Variants in PKIG observed in about 807,000 individuals in gnomAD.
The protein encoded by PKIG is cAMP-dependent protein kinase inhibitor gamma.
In PKIG, 1 loss-of-function variant was observed where a neutral mutation model predicts 6.8. The ratio of observed to expected loss-of-function variants is 0.15; its 90% confidence interval spans 0.05 to 0.69. The LOEUF (loss-of-function observed/expected upper bound fraction) is 0.69, where lower values mean the gene tolerates loss of function less well. Ranked by LOEUF, PKIG falls within the 30% of genes least tolerant of loss-of-function variation. PKIG has a pLI of 0.82. For missense variants in PKIG, 77 were observed against 104.0 expected (o/e 0.74, Z 1.13); for synonymous variants, 39 against 43.0 (o/e 0.91, Z 0.36).
intron 2 of PKIG, among the ~76,000 whole-genome samples, chr20:44,613,613 A>AT (rs781669560): frequency 5.3e-5 from 8 of 152,134 alleles, no homozygotes; most frequent in Non-Finnish European, 2.9e-5. Flanking sequence ...TCACACCAGA[A>AT]ACCTAAATTA....
intron 1 of PKIG, among the ~76,000 whole-genome samples, chr20:44,551,070 GT>G (rs3092146): frequency 1.3e-5 from 2 of 148,536 alleles, no homozygotes; most frequent in African/African-American, 2.5e-5. Context: ...ACATTTTCCT[GT>G]TTTTTTTTTG....
intron 3 of PKIG, among the ~76,000 whole-genome samples, chr20:44,617,387 T>G (rs896088589): frequency 6.6e-6 from 1 of 152,112 alleles, no homozygotes; most frequent in Non-Finnish European, 1.5e-5. Flanking sequence ...AAAAGACACC[T>G]GTTTATCATG....
At chr20:44,588,196 C>T (rs2123373353) in intron 1 of PKIG, among the ~76,000 whole-genome samples, 1 of 152,286 alleles carries the variant, frequency 6.6e-6, no homozygotes, top group East Asian at 1.9e-4. Context: ...AGGCACTGGG[C>T]AAGGTGATAG....
chr20:44,540,672 G>C (rs2064553491), intron 1 of PKIG, among the ~76,000 whole-genome samples: 1 of 151,932 alleles, frequency 6.6e-6, no homozygotes, highest in African/African-American at 2.4e-5. Flanking sequence ...TCTACCTCCT[G>C]GGTTCAAAGA....
intron 2 of PKIG, among the ~76,000 whole-genome samples, chr20:44,594,751 G>A (rs1422255907): frequency 1.3e-5 from 2 of 152,136 alleles, no homozygotes; most frequent in Admixed American, 1.3e-4. Flanking sequence ...TAGTAGTCCT[G>A]GGAGTCTGGG....
chr20:44,546,661 T>G lies in PKIG; in HGVS notation c.-241+14683T>G, dbSNP rs1038357113. Among the ~76,000 whole-genome samples the G allele has an allele frequency of 2.0e-4, 31 of 151,486 alleles. 1 individual carries two copies. Among genetic ancestry groups the G allele is most frequent in the Non-Finnish European group, 2.9e-5 (2 of 67,970 alleles). On this transcript the variant is annotated intron_variant, in intron 1 of 4. Coordinates refer to the PKIG transcript ENST00000372887. Reference sequence around the variant, plus strand: ...TCTACCTTCCCAGTTCAGGCGATTCTCCTGCCTCAGCCCCCCGGGTAGCTG... The same window carrying G: ...TCTACCTTCCCAGTTCAGGCGATTCGCCTGCCTCAGCCCCCCGGGTAGCTG...
chr20:44,593,587 C>T (rs2065052085), intron 2 of PKIG, among the ~76,000 whole-genome samples: 1 of 151,924 alleles, frequency 6.6e-6, no homozygotes, highest in Admixed American at 6.6e-5. Context: ...GGGTGGTTTC[C>T]AGAGAGAGTA....
At chr20:44,578,434 T>C (rs941676222), upstream of PKIG, among the ~76,000 whole-genome samples, 24 of 151,946 alleles carry the variant, frequency 1.6e-4, no homozygotes, top group Admixed American at 7.2e-4. Context: ...TTGGCCAGGC[T>C]GTCTTGAACT....
intron 1 of PKIG, among the ~76,000 whole-genome samples, chr20:44,538,562 C>T (rs1250947459): frequency 1.3e-5 from 2 of 152,110 alleles, no homozygotes; most frequent in African/African-American, 2.4e-5. Context: ...TGCCTACTTC[C>T]ATCCCACCTT....
intron 2 of PKIG, among the ~76,000 whole-genome samples, chr20:44,600,574 T>A (rs2065112616): frequency 6.6e-6 from 1 of 151,912 alleles, no homozygotes; most frequent in Non-Finnish European, 1.5e-5. Context: ...GGCTGGGCAC[T>A]GTTGCTCATG....
intron 1 of PKIG, among the ~76,000 whole-genome samples, chr20:44,537,104 A>G (rs2064519184): frequency 6.7e-6 from 1 of 149,312 alleles, no homozygotes; most frequent in Non-Finnish European, 1.5e-5. Flanking sequence ...TAATTTTTGT[A>G]TTATTATTAT....
chr20:44,610,514 A>T (rs2065208485), intron 2 of PKIG, among the ~76,000 whole-genome samples: 1 of 151,452 alleles, frequency 6.6e-6, no homozygotes, highest in African/African-American at 2.4e-5. Flanking sequence ...ACACACACAC[A>T]CACACACACA....
chr20:44,550,126 C>G (rs1024650828), intron 1 of PKIG, among the ~76,000 whole-genome samples: 22 of 148,028 alleles, frequency 1.5e-4, no homozygotes, highest in African/African-American at 5.3e-4. Flanking sequence ...TAGTGAGCAT[C>G]TAGTATGTGC....
chr20:44,540,459 G>A lies in PKIG; in HGVS notation c.-241+8481G>A, dbSNP rs112371062. Among the ~76,000 whole-genome samples, 300 of 152,172 alleles carry A rather than the reference G, an allele frequency of 2.0e-3. 1 individual carries two copies. The highest frequency in any genetic ancestry group is 6.8e-3 in the African/African-American group (281 of 41,508). ...CTACCAATTAACCAAAATTAATTAC[G>A]TTATCCCAATGACCAAATTAATCCC... On this transcript the variant is annotated intron_variant, in intron 1 of 4. Coordinates refer to the PKIG transcript ENST00000372887.
chr20:44,595,200 T>C (rs2065065159), intron 2 of PKIG, among the ~76,000 whole-genome samples: 1 of 152,220 alleles, frequency 6.6e-6, no homozygotes, highest in African/African-American at 2.4e-5. Context: ...CCTGTGATCA[T>C]AGGTATGGTT....
At chr20:44,575,378 C>A (rs2064888201) in intron 1 of PKIG, among the ~76,000 whole-genome samples, 1 of 152,210 alleles carries the variant, frequency 6.6e-6, no homozygotes, top group Admixed American at 6.5e-5. Flanking sequence ...GCCACCACGC[C>A]CAGCCAATTT....
chr20:44,536,168 T>C (rs759045229), intron 1 of PKIG, among the ~76,000 whole-genome samples: 3 of 152,242 alleles, frequency 2.0e-5, no homozygotes, highest in Non-Finnish European at 2.9e-5. Flanking sequence ...GGCTGAATAA[T>C]ATTCCATTGC....
chr20:44,595,666 A>G (rs1016454275), intron 2 of PKIG, among the ~76,000 whole-genome samples: 1 of 152,236 alleles, frequency 6.6e-6, no homozygotes, highest in South Asian at 2.1e-4. Flanking sequence ...GGCGTGCACC[A>G]CCATGCCCGG....
chr20:44,560,103 A>G (rs927428682), intron 1 of PKIG, among the ~76,000 whole-genome samples: 10 of 151,858 alleles, frequency 6.6e-5, no homozygotes, highest in Non-Finnish European at 1.3e-4. Flanking sequence ...AAAGAAAATT[A>G]GCTGGGCATG....
Sources: allele counts gnomAD v4.1 joint callset (sites outside exome capture counted in the v4.1 genomes callset), GRCh38; gene constraint gnomAD v4.1.1; transcripts MANE v1.5; gene names NCBI Gene and HGNC (gene_info 2026-07-23, HGNC 2026-07-21).